The following MEI4 variants were observed in gnomAD, a reference collection of about 807,000 sequenced individuals.
MEI4 encodes the protein meiosis-specific protein MEI4.
A neutral mutation model predicts 31.4 loss-of-function variants in MEI4; 27 were observed. The ratio of observed to expected loss-of-function variants is 0.86; its 90% CI spans 0.63 to 1.19. The LOEUF is 1.19. Among genes scored for constraint, MEI4 ranks in the 50% most tolerant of loss-of-function variants. The pLI, the probability that MEI4 is intolerant of heterozygous loss-of-function variation, is 0.00. For synonymous variants in MEI4, 122 were observed against 145.4 expected, an observed-to-expected ratio of 0.84 and a Z score of 1.16; for missense variants, 329 against 398.9, an observed-to-expected ratio of 0.82 and a Z score of 1.49.
intron 3 of MEI4, among the ~76,000 whole-genome samples, chr6:77,785,645 T>C (rs1242859230): frequency 2.0e-5 from 3 of 152,194 alleles, no homozygotes; most frequent in African/African-American, 4.8e-5. Context: ...CTTATTTTTA[T>C]GAGAAGGGTT....
At chr6:77,800,316 G>T (rs940420436) in intron 3 of MEI4, among the ~76,000 whole-genome samples, 58 of 152,088 alleles carry the variant, frequency 3.8e-4, no homozygotes, top group Admixed American at 9.2e-4. Flanking sequence ...TGGTGTATAA[G>T]AATGCTTGTG....
intron 3 of MEI4, among the ~76,000 whole-genome samples, chr6:77,818,299 A>C (rs1208044834): frequency 6.6e-6 from 1 of 152,194 alleles, no homozygotes; most frequent in East Asian, 1.9e-4. Flanking sequence ...CTTTCAAAAT[A>C]GAAGCCCTAT....
At chr6:77,809,777 T>C (rs1769529801) in intron 3 of MEI4, among the ~76,000 whole-genome samples, 2 of 152,160 alleles carry the variant, frequency 1.3e-5, no homozygotes, top group African/African-American at 2.4e-5. Context: ...CAAATCTAAA[T>C]AATCATAATA....
At position 77,761,131 on chromosome 6, in the gene MEI4, A is replaced by T. The variant is rs1768034179; in HGVS notation, c.234A>T (p.Gly78=). 1 of 1,231,794 alleles carries T rather than the reference A, an allele frequency of 8.1e-7. No homozygotes were observed. Among genetic ancestry groups the T allele is most frequent in the African/African-American group, 1.6e-5 (1 of 64,402 alleles). 76.3% of individuals were successfully genotyped at this position (1,231,794 alleles called of 1,614,324 possible). Residue 78 remains glycine, a splice_region_variant and synonymous_variant, in exon 3 of 5, where the codon GGA becomes GGT. Transcript: ENST00000684080. ...TCCTTCTATTCCTTTATTTTTCAGG[A>T]TACGTTTCCTCCCAGTTGGAGGCTC... ...SRLCSGSFKS[G]YVSSQLEAQE...
intron 4 of MEI4, among the ~76,000 whole-genome samples, chr6:77,891,408 A>T (rs1771764486): frequency 6.6e-6 from 1 of 151,946 alleles, no homozygotes; most frequent in South Asian, 2.1e-4. Context: ...ATTGTTGAAG[A>T]TGTCTTTTGT....
rs148057622 is a variant in MEI4 at position 77,857,089 on chromosome 6, C to T, written c.900+28027C>T. 4.0e-3 allele frequency among the ~76,000 whole-genome samples: 606 copies of T among 152,144 alleles called. 5 individuals carry two copies. Among genetic ancestry groups the T allele is most frequent in the African/African-American group, 0.014 (580 of 41,530 alleles). ...CATTATTTTTCTATTTTCTGGAGTA[C>T]ATCTCCCAGCAGTTTTTTTTAGAGA... On this transcript the variant is annotated intron_variant, in intron 4 of 4. Transcript: ENST00000684080.
At chr6:77,858,235 G>T (rs1355848922) in intron 4 of MEI4, among the ~76,000 whole-genome samples, 2 of 152,074 alleles carry the variant, frequency 1.3e-5, no homozygotes, top group Non-Finnish European at 1.5e-5. Context: ...TGTTGTTTGT[G>T]AACAAAAGAG....
At chr6:77,762,053 TTAAATTCCTCATGATGGA>T (rs1277384033) in intron 3 of MEI4, among the ~76,000 whole-genome samples, 11 of 152,350 alleles carry the variant, frequency 7.2e-5, no homozygotes, top group African/African-American at 2.4e-4. Flanking sequence ...TCTGTGAGTG[TTAAATTCCTCATGATGGA>T]TTATCTGTAC....
At chr6:77,840,802 A>T (rs565668381) in intron 4 of MEI4, among the ~76,000 whole-genome samples, 1 of 152,268 alleles carries the variant, frequency 6.6e-6, no homozygotes, top group African/African-American at 2.4e-5. Flanking sequence ...ATTCAGGGGA[A>T]CAACATTTCA....
rs183120219 is a variant in MEI4 at position 77,868,552 on chromosome 6, A to T, written c.900+39490A>T. ...ATGCAGATTTCAAGTAAAATCTCTT[A>T]GAGAAGTGTCTAGAGAACTCTGCAA... On this transcript the variant is annotated intron_variant, in intron 4 of 4. Coordinates refer to ENST00000684080, the MANE Select transcript of MEI4 (RefSeq NM_001322247.2). Among the ~76,000 whole-genome samples, 751 of 113,904 alleles carry T rather than the reference A, an allele frequency of 6.6e-3. 10 individuals are homozygous for T. The highest frequency in any genetic ancestry group is 0.02 in the African/African-American group (680 of 33,256). 74.7% of individuals were successfully genotyped at this position (113,904 alleles called of 152,430 possible).
At chr6:77,835,582 T>TA (rs922603835) in intron 4 of MEI4, among the ~76,000 whole-genome samples, 1 of 152,020 alleles carries the variant, frequency 6.6e-6, no homozygotes, top group African/African-American at 2.4e-5. Flanking sequence ...AATATCTTTT[T>TA]AAAAATTACC....
intron 4 of MEI4, among the ~76,000 whole-genome samples, chr6:77,920,892 G>T (rs1478440081): frequency 6.6e-6 from 1 of 151,872 alleles, no homozygotes; most frequent in Non-Finnish European, 1.5e-5. Flanking sequence ...AGTAAACAAT[G>T]CTTTCATCCA....
intron 4 of MEI4, among the ~76,000 whole-genome samples, chr6:77,836,745 T>C: frequency 6.6e-6 from 1 of 152,094 alleles, no homozygotes; most frequent in East Asian, 1.9e-4. Context: ...AACCATATTC[T>C]TTTCTGAAAT....
intron 2 of MEI4, among the ~76,000 whole-genome samples, chr6:77,744,436 A>G (rs1313846430): frequency 6.6e-6 from 1 of 151,722 alleles, no homozygotes; most frequent in African/African-American, 2.4e-5. Flanking sequence ...ATAAAAAGAA[A>G]CAAACAAAGC....
intron 2 of MEI4, among the ~76,000 whole-genome samples, chr6:77,735,598 A>T (rs1009714070): frequency 1.3e-5 from 2 of 151,942 alleles, no homozygotes; most frequent in African/African-American, 4.8e-5. Context: ...CGTAGCTCGG[A>T]GTAATTTGAT....
rs565424517 is a variant in MEI4, at chr6:77,742,470, T to A, written c.233-18660T>A. ...TTTGCCCACTTTTTGATGGGGTTGTTTGTTTTTTCTTGTAAATTTATTTGA... is the reference window on the plus strand; with the variant it reads ...TTTGCCCACTTTTTGATGGGGTTGTATGTTTTTTCTTGTAAATTTATTTGA... On this transcript the variant is annotated intron_variant, in intron 2 of 4. Transcript: ENST00000684080. Among the ~76,000 whole-genome samples, 648 of 152,290 alleles carry A rather than the reference T, an allele frequency of 4.3e-3. 1 individual carries two copies. Among genetic ancestry groups the A allele is most frequent in the Non-Finnish European group, 5.7e-3 (388 of 68,026 alleles).
chr6:77,849,726 C>T (rs1054683498), intron 4 of MEI4, among the ~76,000 whole-genome samples: 2 of 152,120 alleles, frequency 1.3e-5, no homozygotes, highest in Non-Finnish European at 2.9e-5. Flanking sequence ...AGATATTTAG[C>T]GGTGCCTGGA....
Position 77,903,729 on chromosome 6 carries a change from G to C in MEI4, c.901-19360G>C, listed in dbSNP as rs1330403128. Among the ~76,000 whole-genome samples, 3 of 152,128 alleles carry C rather than the reference G, an allele frequency of 2.0e-5. No homozygotes were observed. In the South Asian group the frequency reaches 6.2e-4, roughly 32 times the overall value. On this transcript the variant is annotated intron_variant, in intron 4 of 4. Coordinates refer to ENST00000684080, the MANE Select transcript of MEI4 (RefSeq NM_001322247.2). Reference sequence around the variant, plus strand: ...ATCCCTTCTATCTAATTCATTGAAAGTTTTTAGCATGAAATGATGTTTAAT... The same window carrying C: ...ATCCCTTCTATCTAATTCATTGAAACTTTTTAGCATGAAATGATGTTTAAT...
At chr6:77,774,766 T>G (rs186127083) in intron 3 of MEI4, among the ~76,000 whole-genome samples, 54 of 152,074 alleles carry the variant, frequency 3.6e-4, no homozygotes, top group Non-Finnish European at 7.1e-4. Context: ...TCTTTACTCA[T>G]AATAGTTTAG....
Sources: gnomAD v4.1 joint callset for allele counts (sites outside exome capture counted in the v4.1 genomes callset) on GRCh38, gnomAD v4.1.1 for gene constraint, MANE v1.5 for transcripts, NCBI Gene and HGNC (gene_info 2026-07-23, HGNC 2026-07-21) for gene names.